Variants in DHX36 observed in about 807,000 individuals in gnomAD.
DHX36 encodes the protein DEAH-box helicase 36, also known as ATP-dependent DNA/RNA helicase DHX36.
In DHX36, 50 loss-of-function variants were observed where a neutral mutation model predicts 139.0. The observed-to-expected ratio is 0.36, with a 90% CI of 0.29 to 0.46. The LOEUF (loss-of-function observed/expected upper bound fraction) is 0.46. DHX36 is among the 20% of genes least tolerant of loss of function. The pLI, the probability that DHX36 is intolerant of heterozygous loss-of-function variation, is 1.00. For missense variants in DHX36, 1,024 were observed against 1,211.3 expected (o/e 0.85, Z 2.29); for synonymous variants, 425 against 401.9 (o/e 1.06, Z -0.69).
intron 20 of DHX36, 125 bp from the exon 21 acceptor site, chr3:154,280,987 G>GTT: frequency 1.4e-6 from 1 of 712,658 alleles, no homozygotes; most frequent in Non-Finnish European, 2.3e-6. Flanking sequence ...TAGCAAACAT[G>GTT]TTTTAAAGCA....
chr3:154,315,765 A>T (rs1007286172), intron 2 of DHX36, among the ~76,000 whole-genome samples: 3 of 152,100 alleles, frequency 2.0e-5, no homozygotes, highest in African/African-American at 7.2e-5. Context: ...AGACAGAATA[A>T]TTTCATAAAT....
chr3:154,310,435 T>C lies in DHX36; in HGVS notation c.643-612A>G, dbSNP rs115626190. Among the ~76,000 whole-genome samples, 687 of 152,076 alleles carry C rather than the reference T, an allele frequency of 4.5e-3. 4 individuals are homozygous for C. The highest frequency in any genetic ancestry group is 0.016 in the African/African-American group (651 of 41,480). On this transcript the variant is annotated intron_variant, in intron 4 of 24. Coordinates refer to ENST00000496811, the MANE Select transcript of DHX36 (RefSeq NM_020865.3). Reference sequence around the variant, plus strand: ...TCATCTTACTACCTCAAAGGGATGTTAGGGGTTATTTTCATGTATAAAACA... The same window carrying C: ...TCATCTTACTACCTCAAAGGGATGTCAGGGGTTATTTTCATGTATAAAACA...
intron 3 of DHX36, among the ~76,000 whole-genome samples, chr3:154,312,890 T>A (rs1309714765): frequency 7.7e-5 from 6 of 77,522 alleles, no homozygotes; most frequent in East Asian, 3.7e-4. Flanking sequence ...TATATATATA[T>A]ATATATATAT....
intron 20 of DHX36, 79 bp from the exon 21 acceptor site, chr3:154,280,941 T>C (rs766272317): frequency 3.4e-4 from 361 of 1,074,428 alleles, no homozygotes; most frequent in Non-Finnish European, 4.6e-4. Flanking sequence ...ATAGATAAAT[T>C]GAGTTGTAAG....
At chr3:154,277,858 A>G (rs1719201670) in intron 22 of DHX36, 140 bp from the exon 23 acceptor site, 1 of 764,702 alleles carries the variant, frequency 1.3e-6, no homozygotes, top group Non-Finnish European at 1.9e-6. Flanking sequence ...CCAGAGAATA[A>G]TTCAGTTTAT....
intron 8 of DHX36, among the ~76,000 whole-genome samples, chr3:154,304,071 A>C (rs903527775): frequency 6.6e-6 from 1 of 152,210 alleles, no homozygotes; most frequent in Non-Finnish European, 1.5e-5. Flanking sequence ...CTCATTTAAA[A>C]ATAACAATAA....
rs1319294505 is a variant in DHX36, at chr3:154,276,291, C to T, written c.2907G>A (p.Trp969Ter). 2 of 1,613,824 alleles carry T rather than the reference C, an allele frequency of 1.2e-6. No homozygotes were observed. The highest frequency in any genetic ancestry group is 1.7e-6 in the Non-Finnish European group (2 of 1,179,938). ...CACAGTCTCTGGATTTAGTGTCATT[C>T]CAGTCTACAGGATGAGGACTTTCAA... Reference protein sequence around the residue: ...EKIESPHPVDWNDTKSRDCAV... With the variant: ...EKIESPHPVD The change falls in exon 25 of 25, where the codon TGG (tryptophan) becomes TGA (stop). Residue 969 changes from tryptophan (W) to a stop codon, truncating the protein, a stop_gained. Transcript: ENST00000496811. LOFTEE classifies it high-confidence loss of function.
intron 15 of DHX36, among the ~76,000 whole-genome samples, chr3:154,291,962 T>C (rs1391579485): frequency 1.3e-5 from 2 of 152,240 alleles, no homozygotes; most frequent in Non-Finnish European, 2.9e-5. Flanking sequence ...TGAGGAAAAG[T>C]ACTTTCCTTG....
chr3:154,296,240 C>T (rs932521868), intron 12 of DHX36, among the ~76,000 whole-genome samples: 5 of 152,078 alleles, frequency 3.3e-5, no homozygotes, highest in Non-Finnish European at 5.9e-5. Flanking sequence ...TTTGGGAGGC[C>T]GAGGCGGGCG....
chr3:154,284,896 A>G lies in DHX36; in HGVS notation c.2123T>C (p.Phe708Ser), dbSNP rs1711506197. Residue 708 changes from phenylalanine to serine, a missense_variant, in exon 18 of 25, where the codon TTT becomes TCT. Coordinates refer to ENST00000496811, the MANE Select transcript of DHX36 (RefSeq NM_020865.3). ...GTCTAAGCAGCAGAACAGTGCTCCA[A>G]AAAGAATCATTTTTCCAATATGTGG... ...VEPHIGKMIL[F>S]GALFCCLDPV... 6.2e-7 allele frequency: 1 copy of G among 1,614,068 alleles called. No homozygotes were observed. Among genetic ancestry groups the G allele is most frequent in the African/African-American group, 1.3e-5 (1 of 74,926 alleles).
chr3:154,277,498 A>G, intron 23 of DHX36, 100 bp downstream of exon 23: 1 of 1,271,866 alleles, frequency 7.9e-7, no homozygotes, highest in East Asian at 2.7e-5. Context: ...ATAAGACACA[A>G]CAAAAAAAAA....
chr3:154,297,782 C>G (rs896138071), intron 12 of DHX36, among the ~76,000 whole-genome samples: 1 of 151,228 alleles, frequency 6.6e-6, no homozygotes, highest in African/African-American at 2.4e-5. Flanking sequence ...AAAAGTTAGC[C>G]AGGGATAATA....
In DHX36 at chr3:154,304,886, T is replaced by C. The variant is rs1326571872; in HGVS notation, c.1055A>G (p.Asp352Gly). 1.9e-6 allele frequency: 3 copies of C among 1,612,442 alleles called. 1 individual carries two copies. In the South Asian group the frequency reaches 3.3e-5, roughly 18 times the overall value. ...QSDVLMTVVK[D>G]LLNFRSDLKV... The stretch of plus-strand genomic sequence containing the variant: ...CAAGTCAGATCGAAAATTGAGAAGG[T>C]CTTTAACAACAGTCATTAAAACATC... Residue 352 changes from aspartate to glycine, a missense_variant, in exon 8 of 25, where the codon GAC (aspartate) becomes GGC (glycine). Asp to Gly is a moderately conservative substitution (Grantham distance 94). Transcript: ENST00000496811.
intron 15 of DHX36, among the ~76,000 whole-genome samples, chr3:154,291,001 G>A (rs945908405): frequency 2.7e-5 from 4 of 149,958 alleles, no homozygotes; most frequent in African/African-American, 9.8e-5. Context: ...CGGGCGTAGT[G>A]GCGGGCGCCT....
intron 9 of DHX36, among the ~76,000 whole-genome samples, chr3:154,302,215 A>C (rs1290728449): frequency 6.6e-6 from 1 of 152,160 alleles, no homozygotes; most frequent in Non-Finnish European, 1.5e-5. Flanking sequence ...AAAAATGAGA[A>C]AGCATGTTCA....
At chr3:154,313,671 C>T (rs1712854974) in intron 3 of DHX36, among the ~76,000 whole-genome samples, 1 of 152,052 alleles carries the variant, frequency 6.6e-6, no homozygotes, top group Admixed American at 6.6e-5. Flanking sequence ...CAGAGTGAGA[C>T]CCTGTCTTAA....
At chr3:154,306,032 C>G (rs1276307866) in intron 6 of DHX36, among the ~76,000 whole-genome samples, 184 bp downstream of exon 6, 2 of 152,052 alleles carry the variant, frequency 1.3e-5, no homozygotes, top group Admixed American at 6.5e-5. Context: ...AAAGGCAATA[C>G]AAGTCTGATG....
At chr3:154,302,899 G>A (rs1712355621) in intron 9 of DHX36, among the ~76,000 whole-genome samples, 1 of 152,074 alleles carries the variant, frequency 6.6e-6, no homozygotes, top group South Asian at 2.1e-4. Context: ...CCAACACGGT[G>A]AAACTAGTTT....
intron 1 of DHX36, among the ~76,000 whole-genome samples, chr3:154,320,547 C>T (rs1713151854): frequency 1.7e-5 from 2 of 119,138 alleles, no homozygotes; most frequent in African/African-American, 6.4e-5. Context: ...TTCTAGGCAT[C>T]AGATCTACAC....
Sources: allele counts gnomAD v4.1 joint callset (sites outside exome capture counted in the v4.1 genomes callset), GRCh38; gene constraint gnomAD v4.1.1; transcripts MANE v1.5; gene names NCBI Gene and HGNC (gene_info 2026-07-23, HGNC 2026-07-21).